EXOC2: variants seen among roughly 807,000 people sequenced by gnomAD.
The protein encoded by EXOC2 is exocyst complex component 2.
A neutral mutation model predicts 131.8 loss-of-function variants in EXOC2; 70 were observed. The observed-to-expected ratio is 0.53, with a 90% confidence interval of 0.44 to 0.65. The LOEUF is 0.65. EXOC2 is among the 30% of genes least tolerant of loss of function. The pLI is 0.00. For synonymous variants in EXOC2, 411 were observed against 398.4 expected, an observed-to-expected ratio of 1.03 and a Z score of -0.38; for missense variants, 923 against 1,108.6, an observed-to-expected ratio of 0.83 and a Z score of 2.38.
intron 1 of EXOC2, among the ~76,000 whole-genome samples, chr6:663,032 A>G (rs1763489983): frequency 6.6e-6 from 1 of 152,094 alleles, no homozygotes; most frequent in Admixed American, 6.6e-5. Context: ...AGATAAATAA[A>G]ATTGACAGAC....
intron 10 of EXOC2, among the ~76,000 whole-genome samples, chr6:592,871 A>T (rs577337106): frequency 2.6e-5 from 4 of 152,040 alleles, no homozygotes; most frequent in Admixed American, 6.6e-5. Context: ...ACTAAAAAAA[A>T]ATACAAAAAT....
At chr6:672,308 A>G (rs1763913028) in intron 1 of EXOC2, among the ~76,000 whole-genome samples, 1 of 152,094 alleles carries the variant, frequency 6.6e-6, no homozygotes, top group Non-Finnish European at 1.5e-5. Flanking sequence ...CTCTGTGCAC[A>G]TTACTTATCT....
intron 11 of EXOC2, among the ~76,000 whole-genome samples, chr6:585,504 A>T (rs1274966310): frequency 6.6e-6 from 1 of 152,200 alleles, no homozygotes; most frequent in Non-Finnish European, 1.5e-5. Context: ...TGTACGGCAA[A>T]CTCTGCTGCC....
At position 485,190 on chromosome 6, in the gene EXOC2, GTAGA is replaced by G. The variant is rs1296983139; in HGVS notation, c.*1477_*1480del. ...TTCTTTATTGGCTGAATGTGCTGTA[GTAGA>G]TATTTAAAATATCACAAACATTCAT... On this transcript the variant is annotated 3_prime_UTR_variant, in exon 28 of 28. Coordinates refer to ENST00000230449, the MANE Select transcript of EXOC2 (RefSeq NM_018303.6). 4 of 152,204 alleles carry G rather than the reference GTAGA, an allele frequency of 2.6e-5. No homozygotes were observed. Among genetic ancestry groups the G allele is most frequent in the Non-Finnish European group, 5.9e-5 (4 of 68,038 alleles). 9.4% of individuals were successfully genotyped at this position (152,204 alleles called of 1,614,324 possible).
intron 12 of EXOC2, among the ~76,000 whole-genome samples, chr6:575,481 TC>T (rs1486828535): frequency 6.6e-6 from 1 of 151,864 alleles, no homozygotes; most frequent in Non-Finnish European, 1.5e-5. Flanking sequence ...TCTCCCTCGC[TC>T]CCTCTCCATC....
intron 4 of EXOC2, among the ~76,000 whole-genome samples, chr6:620,277 C>T (rs1016001790): frequency 3.1e-4 from 47 of 152,202 alleles, no homozygotes; most frequent in African/African-American, 1.1e-3. Context: ...TTGCTGGCGC[C>T]CCCTGCCCCA....
At chr6:628,756 G>C (rs1761704336) in intron 4 of EXOC2, among the ~76,000 whole-genome samples, 2 of 152,124 alleles carry the variant, frequency 1.3e-5, no homozygotes, top group South Asian at 4.1e-4. Flanking sequence ...ACTATCAACT[G>C]CAAGTCTATT....
At chr6:486,976 T>C (rs1763105873) in intron 27 of EXOC2, among the ~76,000 whole-genome samples, 1 of 152,246 alleles carries the variant, frequency 6.6e-6, no homozygotes, top group Non-Finnish European at 1.5e-5. Flanking sequence ...TTTATGTTTG[T>C]ACAGAAACAT....
At chr6:531,543 C>T (rs1417701762) in intron 23 of EXOC2, among the ~76,000 whole-genome samples, 2 of 150,140 alleles carry the variant, frequency 1.3e-5, no homozygotes, top group East Asian at 3.9e-4. Context: ...TTAGTTTACA[C>T]TTTTGGCATC....
At chr6:554,230 C>T (rs1158519542) in intron 20 of EXOC2, among the ~76,000 whole-genome samples, 1 of 152,076 alleles carries the variant, frequency 6.6e-6, no homozygotes, top group African/African-American at 2.4e-5. Flanking sequence ...TTAGTAGAGA[C>T]AGGGTTTCAC....
chr6:580,133 C>T (rs1204609188), intron 11 of EXOC2, among the ~76,000 whole-genome samples: 2 of 151,844 alleles, frequency 1.3e-5, no homozygotes, highest in East Asian at 3.9e-4. Context: ...CCTCCAACTC[C>T]TGGGTTCAAG....
chr6:608,034 A>T (rs972034011), intron 7 of EXOC2, among the ~76,000 whole-genome samples: 2 of 152,270 alleles, frequency 1.3e-5, no homozygotes, highest in Non-Finnish European at 2.9e-5. Flanking sequence ...TTAGTATATA[A>T]TTATACATCA....
At chr6:660,017 C>T (rs548728703) in intron 1 of EXOC2, among the ~76,000 whole-genome samples, 4 of 151,766 alleles carry the variant, frequency 2.6e-5, no homozygotes, top group Non-Finnish European at 4.4e-5. Flanking sequence ...ACGGGGGGCA[C>T]GGTGGTTGTG....
At chr6:553,119 T>C (rs1391554507) in intron 21 of EXOC2, among the ~76,000 whole-genome samples, 3 of 152,156 alleles carry the variant, frequency 2.0e-5, no homozygotes, top group African/African-American at 4.8e-5. Context: ...GGTTTTGCCC[T>C]GTTGGCCAGG....
chr6:621,724 T>A (rs747352435), intron 4 of EXOC2, among the ~76,000 whole-genome samples: 4 of 152,196 alleles, frequency 2.6e-5, no homozygotes, highest in African/African-American at 9.7e-5. Flanking sequence ...ATCCTCCCGA[T>A]ACATGCATGT....
intron 23 of EXOC2, among the ~76,000 whole-genome samples, chr6:502,992 G>A (rs1036487551): frequency 5.9e-5 from 9 of 152,200 alleles, no homozygotes; most frequent in African/African-American, 2.2e-4. Flanking sequence ...TCAACTGGAT[G>A]CATCGGAAAG....
At chr6:687,131 C>T (rs1304226844) in intron 1 of EXOC2, among the ~76,000 whole-genome samples, 2 of 147,252 alleles carry the variant, frequency 1.4e-5, no homozygotes, top group Non-Finnish European at 3.0e-5. Flanking sequence ...AAAGACAGAT[C>T]ACCTGAACAA....
intron 20 of EXOC2, 97 bp from the exon 21 acceptor site, chr6:554,017 T>A: frequency 1.1e-6 from 1 of 936,678 alleles, no homozygotes; most frequent in Non-Finnish European, 1.7e-6. Flanking sequence ...ATGAATTATA[T>A]GGAAAACATT....
chr6:509,489 A>T (rs1764733783), intron 23 of EXOC2, among the ~76,000 whole-genome samples: 1 of 152,156 alleles, frequency 6.6e-6, no homozygotes, highest in Non-Finnish European at 1.5e-5. Context: ...TCCCTAATAT[A>T]TGCTCCTCCT....
Sources: allele counts gnomAD v4.1 joint callset (sites outside exome capture counted in the v4.1 genomes callset), GRCh38; gene constraint gnomAD v4.1.1; transcripts MANE v1.5; gene names NCBI Gene and HGNC (gene_info 2026-07-23, HGNC 2026-07-21).